Variants in EYS observed in about 807,000 individuals in gnomAD.
EYS encodes EGF-like photoreceptor maintenance factor.
Under a neutral mutation model 282.1 loss-of-function variants are expected in EYS, and 250 were observed. The ratio of observed to expected loss-of-function variants is 0.89; its 90% CI spans 0.80 to 0.98. The LOEUF (loss-of-function observed/expected upper bound fraction) is 0.98. Ranked by LOEUF, EYS falls within the 50% of genes least tolerant of loss-of-function variation. The pLI is 0.00. For synonymous variants in EYS, 1,355 were observed against 1,282.9 expected (o/e 1.06, Z -1.20); for missense variants, 4,016 against 3,709.0 (o/e 1.08, Z -2.15).
At chr6:64,235,983 A>T (rs139855206) in intron 30 of EYS, among the ~76,000 whole-genome samples, 4,308 of 152,282 alleles carry the variant, frequency 0.028, 147 homozygotes, top group East Asian at 0.074. Context: ...TGAGGCCAGC[A>T]TCATCCTGAT....
intron 31 of EYS, among the ~76,000 whole-genome samples, chr6:64,100,417 A>G (rs1772786259): frequency 6.6e-6 from 1 of 151,834 alleles, no homozygotes; most frequent in South Asian, 2.1e-4. Context: ...TTTCCTGAGC[A>G]TTTAACATAT....
At chr6:65,643,872 C>A (rs569761994) in intron 1 of EYS, among the ~76,000 whole-genome samples, 54 of 152,126 alleles carry the variant, frequency 3.5e-4, no homozygotes, top group Non-Finnish European at 7.1e-4. Context: ...GGAGGGGGTA[C>A]AAGAATACCA....
intron 30 of EYS, among the ~76,000 whole-genome samples, chr6:64,234,510 T>C (rs1222391722): frequency 6.6e-6 from 1 of 152,222 alleles, no homozygotes; most frequent in Non-Finnish European, 1.5e-5. Context: ...AGTTTTTTTC[T>C]TGTTATCTGA....
intron 41 of EYS, among the ~76,000 whole-genome samples, chr6:63,743,750 T>C (rs1335476950): frequency 6.6e-6 from 1 of 152,166 alleles, no homozygotes; most frequent in African/African-American, 2.4e-5. Flanking sequence ...CTGGGAGACA[T>C]TGAGTTTAAA....
chr6:64,446,230 TAC>T (rs1218701867), intron 26 of EYS, among the ~76,000 whole-genome samples: 4 of 152,290 alleles, frequency 2.6e-5, no homozygotes, highest in African/African-American at 9.6e-5. Flanking sequence ...AAGTTTTCAG[TAC>T]ATACTAATAG....
chr6:63,747,353 G>A (rs573318220), intron 41 of EYS, among the ~76,000 whole-genome samples: 3 of 152,150 alleles, frequency 2.0e-5, no homozygotes, highest in South Asian at 4.1e-4. Flanking sequence ...GCTGAGGAGT[G>A]TTTTACTTCC....
rs546332556 is a variant in EYS at position 64,959,822 on chromosome 6, A to G, written c.2260-13908T>C. On this transcript the variant is annotated intron_variant, in intron 14 of 42. Coordinates refer to ENST00000503581, the MANE Select transcript of EYS (RefSeq NM_001142800.2). ...GATTGGTTAATCCCTGAGTAACAAA[A>G]CTATGTTGTAAAGTTTCAGCTGCAA... Among the ~76,000 whole-genome samples the G allele has an allele frequency of 2.0e-5, 3 of 151,986 alleles. No individual in the cohort carries two copies. In the South Asian group the frequency reaches 6.2e-4, roughly 32 times the overall value.
intron 33 of EYS, among the ~76,000 whole-genome samples, chr6:64,054,591 T>C (rs965103572): frequency 6.6e-6 from 1 of 152,226 alleles, no homozygotes; most frequent in Non-Finnish European, 1.5e-5. Context: ...GATTTGAGAG[T>C]GACCTCATTT....
At chr6:64,477,330 TA>T (rs1158963230) in intron 26 of EYS, among the ~76,000 whole-genome samples, 1 of 152,180 alleles carries the variant, frequency 6.6e-6, no homozygotes, top group Non-Finnish European at 1.5e-5. Flanking sequence ...ACATAACTCA[TA>T]TTTTATTTAA....
intron 12 of EYS, among the ~76,000 whole-genome samples, chr6:65,240,231 G>A (rs954674833): frequency 6.6e-6 from 1 of 152,090 alleles, no homozygotes; most frequent in Non-Finnish European, 1.5e-5. Flanking sequence ...GCCTCCCAAA[G>A]TGCTGGGATT....
intron 12 of EYS, among the ~76,000 whole-genome samples, chr6:65,099,272 A>C (rs1418683159): frequency 6.6e-6 from 1 of 150,676 alleles, no homozygotes; most frequent in Non-Finnish European, 1.5e-5. Flanking sequence ...GAAAATAATA[A>C]AGAGAGTGTC....
At chr6:64,585,813 C>G (rs2149827678) in intron 26 of EYS, among the ~76,000 whole-genome samples, 1 of 152,152 alleles carries the variant, frequency 6.6e-6, no homozygotes, top group South Asian at 2.1e-4. Flanking sequence ...TTTGCACTTT[C>G]AAATAATATA....
chr6:65,519,816 A>T (rs1205575964), intron 2 of EYS, among the ~76,000 whole-genome samples: 1 of 140,776 alleles, frequency 7.1e-6, no homozygotes, highest in African/African-American at 2.7e-5. Context: ...CCCGCGGCTT[A>T]GGTGATCCTC....
At chr6:64,711,971 T>C (rs1367844993) in intron 22 of EYS, among the ~76,000 whole-genome samples, 2 of 152,118 alleles carry the variant, frequency 1.3e-5, no homozygotes, top group African/African-American at 4.8e-5. Context: ...GGTAGGTATA[T>C]GTAAAATAGG....
rs1383130739 is a variant in EYS, at chr6:64,822,815, G to T, written c.3000C>A (p.Asn1000Lys). The T allele has an allele frequency of 2.6e-6, 4 of 1,548,024 alleles. No individual in the cohort carries two copies. Among genetic ancestry groups the T allele is most frequent in the Non-Finnish European group, 3.5e-6 (4 of 1,145,158 alleles). ...CLCAPGYTGI[N>K]CEINLDECLS... ...GGCATTCATCTAGATTTATTTCACA[G>T]TTGATGCCTGTGTTGGAACAGACAA... The change falls in exon 20 of 43, where the codon AAC (asparagine) becomes AAA (lysine). Residue 1000 changes from asparagine (N) to lysine (K), a missense_variant. By Grantham distance (94) the Asn-to-Lys change is moderately conservative. Transcript: ENST00000503581.
chr6:64,986,768 A>AACTACATTTAAAAACG lies in EYS; in HGVS notation c.2259+10813_2259+10814insCGTTTTTAAATGTAGT, dbSNP rs1216638800. 1.9e-4 allele frequency among the ~76,000 whole-genome samples: 13 copies of AACTACATTTAAAAACG among 67,830 alleles called. No individual in the cohort carries two copies. In the East Asian group the frequency reaches 8.2e-3, roughly 43 times the overall value. The allele number at this position is 67,830 out of a possible 152,430, so 44.5% of individuals were successfully genotyped here. A position where few individuals can be genotyped will look rare whatever the true frequency, so the allele number is the denominator to read the frequency against. The stretch of plus-strand genomic sequence containing the variant: ...TTTAAATTTTAGTTAAAATTGATGT[A>AACTACATTTAAAAACG]TTTTAGAAATGTTTTTAGTTTGTCT... On this transcript the variant is annotated intron_variant, in intron 14 of 42. Transcript: ENST00000503581.
intron 39 of EYS, among the ~76,000 whole-genome samples, chr6:63,779,736 G>T (rs1191745203): frequency 2.0e-5 from 3 of 146,488 alleles, no homozygotes; most frequent in Non-Finnish European, 3.0e-5. Context: ...GGCATAAAAA[G>T]CTTTCTTTTT....
chr6:64,346,198 C>T (rs1032765442), intron 29 of EYS, among the ~76,000 whole-genome samples: 1 of 152,102 alleles, frequency 6.6e-6, no homozygotes, highest in Non-Finnish European at 1.5e-5. Flanking sequence ...CATCCCATTA[C>T]TGGGTATCTA....
intron 26 of EYS, among the ~76,000 whole-genome samples, chr6:64,537,602 C>T (rs1029746731): frequency 1.3e-4 from 20 of 152,264 alleles, no homozygotes; most frequent in South Asian, 1.0e-3. Context: ...CCTTCTATAG[C>T]TGCTCAAAGT....
Sources: allele counts gnomAD v4.1 joint callset (sites outside exome capture counted in the v4.1 genomes callset), GRCh38; gene constraint gnomAD v4.1.1; transcripts MANE v1.5; gene names NCBI Gene and HGNC (gene_info 2026-07-23, HGNC 2026-07-21).